Variants in FAM13A observed in about 807,000 individuals in gnomAD.
FAM13A encodes family with sequence similarity 13 member A.
FAM13A carries 76 observed loss-of-function variants against 129.6 expected under a neutral mutation model. The observed-to-expected ratio is 0.59, with a 90% CI of 0.49 to 0.71. The LOEUF is 0.71. Among genes scored for constraint, FAM13A ranks in the 30% least tolerant of loss-of-function variants. The pLI, the probability that FAM13A is intolerant of heterozygous loss-of-function variation, is 0.00. For synonymous variants in FAM13A, 443 were observed against 449.9 expected, an observed-to-expected ratio of 0.98 and a Z score of 0.20; for missense variants, 1,108 against 1,249.3, an observed-to-expected ratio of 0.89 and a Z score of 1.70.
At chr4:88,769,118 A>G (rs1720091624) in intron 11 of FAM13A, among the ~76,000 whole-genome samples, 1 of 152,214 alleles carries the variant, frequency 6.6e-6, no homozygotes, top group Non-Finnish European at 1.5e-5. Context: ...ATGTTCATCT[A>G]CCTATCAATA....
chr4:88,839,164 C>G (rs1165229427), intron 7 of FAM13A, among the ~76,000 whole-genome samples: 4 of 152,104 alleles, frequency 2.6e-5, no homozygotes, highest in Admixed American at 2.0e-4. Flanking sequence ...CTTAGAAACT[C>G]CTTTCCAGCT....
intron 4 of FAM13A, among the ~76,000 whole-genome samples, chr4:88,950,034 A>G (rs1402449761): frequency 1.3e-5 from 2 of 152,234 alleles, no homozygotes; most frequent in African/African-American, 4.8e-5. Flanking sequence ...TAGGTTTGAA[A>G]TCAAGTTACC....
intron 1 of FAM13A, among the ~76,000 whole-genome samples, chr4:89,043,003 A>G (rs961394674): frequency 1.3e-5 from 2 of 152,236 alleles, no homozygotes; most frequent in African/African-American, 2.4e-5. Flanking sequence ...AAGTAACAGA[A>G]AAGCTATAAA....
intron 6 of FAM13A, among the ~76,000 whole-genome samples, chr4:88,902,057 G>A (rs1250344464): frequency 1.3e-5 from 2 of 152,024 alleles, no homozygotes; most frequent in Admixed American, 6.6e-5. Flanking sequence ...ACTGAAACAG[G>A]ATGAAACTGA....
At chr4:88,782,788 A>G (rs955016187) in intron 10 of FAM13A, among the ~76,000 whole-genome samples, 1 of 152,190 alleles carries the variant, frequency 6.6e-6, no homozygotes, top group Non-Finnish European at 1.5e-5. Flanking sequence ...ATAGGGACTA[A>G]ATGCAAGCAC....
At chr4:88,731,838 A>G in intron 22 of FAM13A, 164 bp downstream of exon 22, 1 of 595,044 alleles carries the variant, frequency 1.7e-6, no homozygotes, top group Non-Finnish European at 2.9e-6. Flanking sequence ...GGGCTGAAGC[A>G]TATAAAAAAA....
chr4:88,833,997 T>C (rs567606130), intron 7 of FAM13A, among the ~76,000 whole-genome samples: 1 of 151,506 alleles, frequency 6.6e-6, no homozygotes, highest in Non-Finnish European at 1.5e-5. Flanking sequence ...ACTCAAGCAA[T>C]TCCCACCTCA....
intron 6 of FAM13A, among the ~76,000 whole-genome samples, chr4:88,871,942 A>C (rs1741479626): frequency 6.6e-6 from 1 of 152,246 alleles, no homozygotes; most frequent in African/African-American, 2.4e-5. Flanking sequence ...CTAACAGCGG[A>C]TCTCTCGGCA....
At chr4:88,842,318 G>C (rs1180811376) in intron 7 of FAM13A, among the ~76,000 whole-genome samples, 2 of 152,176 alleles carry the variant, frequency 1.3e-5, no homozygotes, top group Non-Finnish European at 2.9e-5. Context: ...TGAAACTACT[G>C]GGAAACATTT....
intron 3 of FAM13A, among the ~76,000 whole-genome samples, chr4:89,005,715 T>C (rs1171594280): frequency 6.6e-6 from 1 of 152,238 alleles, no homozygotes; most frequent in Non-Finnish European, 1.5e-5. Context: ...TATGTCTTCT[T>C]TTGAGAAGTG....
Position 88,906,326 on chromosome 4 carries a change from AAG to A in FAM13A, c.843+51_843+52del. 2.5e-6 allele frequency: 3 copies of A among 1,194,358 alleles called. 1 individual carries two copies. Among genetic ancestry groups the A allele is most frequent in the South Asian group, 2.6e-5 (2 of 76,812 alleles). The allele number at this position is 1,194,358 out of a possible 1,614,324, so 74.0% of individuals were successfully genotyped here. A position where few individuals can be genotyped will look rare whatever the true frequency, so the allele number is the denominator to read the frequency against. ...AAACAAACAAAAACAACAAAAAACA[AAG>A]AACCATGCTAAAGATTTCACATGGT... On this transcript the variant is annotated intron_variant, in intron 6 of 23. Transcript: ENST00000264344.
At chr4:88,824,977 G>A (rs1437764324) in intron 7 of FAM13A, among the ~76,000 whole-genome samples, 3 of 151,606 alleles carry the variant, frequency 2.0e-5, no homozygotes, top group Non-Finnish European at 4.4e-5. Context: ...CAAAGTGCTG[G>A]GATTACTGGC....
chr4:89,017,141 C>G (rs920390236), intron 3 of FAM13A, among the ~76,000 whole-genome samples: 2 of 152,126 alleles, frequency 1.3e-5, no homozygotes, highest in African/African-American at 4.8e-5. Context: ...ACAATGAAAT[C>G]ACCTAATAAT....
At chr4:88,855,940 C>T (rs1241582851) in intron 6 of FAM13A, 1 of 152,174 alleles carries the variant, frequency 6.6e-6, no homozygotes, top group African/African-American at 2.4e-5. Flanking sequence ...ATTTCGTTTA[C>T]TGGACAGCTT....
chr4:88,828,934 G>A (rs1251167660), intron 7 of FAM13A, among the ~76,000 whole-genome samples: 1 of 152,152 alleles, frequency 6.6e-6, no homozygotes, highest in Non-Finnish European at 1.5e-5. Context: ...TTTCTCCTAG[G>A]TTGTCAATTT....
At chr4:88,909,589 C>T (rs999883408) in intron 5 of FAM13A, among the ~76,000 whole-genome samples, 6 of 151,914 alleles carry the variant, frequency 3.9e-5, no homozygotes, top group African/African-American at 1.2e-4. Context: ...CAGGTTCAAG[C>T]GATTCTCCTG....
chr4:88,807,770 T>G (rs1351216115), intron 7 of FAM13A, among the ~76,000 whole-genome samples: 1 of 152,212 alleles, frequency 6.6e-6, no homozygotes, highest in African/African-American at 2.4e-5. Context: ...ATTAATTTAT[T>G]AAAATATACT....
At chr4:88,797,809 CA>C (rs1561020040) in intron 8 of FAM13A, among the ~76,000 whole-genome samples, 1 of 152,028 alleles carries the variant, frequency 6.6e-6, no homozygotes, top group African/African-American at 2.4e-5. Context: ...CCTACTGTTT[CA>C]AAAAGGTTTA....
intron 6 of FAM13A, chr4:88,856,011 T>C (rs1276893629): frequency 2.6e-5 from 4 of 152,236 alleles, no homozygotes; most frequent in Admixed American, 2.0e-4. Context: ...AGAAAAGTAA[T>C]GTGCTTGTGA....
Sources: allele counts gnomAD v4.1 joint callset (sites outside exome capture counted in the v4.1 genomes callset), GRCh38; gene constraint gnomAD v4.1.1; transcripts MANE v1.5; gene names NCBI Gene and HGNC (gene_info 2026-07-23, HGNC 2026-07-21).